The following ERAP1 variants were observed in gnomAD, a reference collection of about 807,000 sequenced individuals.
ERAP1 encodes the protein adipocyte-derived leucine aminopeptidase.
A neutral mutation model predicts 103.7 loss-of-function variants in ERAP1; 86 were observed. The observed-to-expected ratio is 0.83, with a 90% CI of 0.70 to 0.99. ERAP1 has a LOEUF of 0.99. Ranked by LOEUF, ERAP1 falls within the 50% of genes least tolerant of loss-of-function variation. ERAP1 has a pLI of 0.00. For synonymous variants in ERAP1, 398 were observed against 402.4 expected, an observed-to-expected ratio of 0.99 and a Z score of 0.13; for missense variants, 1,009 against 1,128.4, an observed-to-expected ratio of 0.89 and a Z score of 1.52.
At chr5:96,891,572 T>TATACAC in the ERAP1 span, among the ~76,000 whole-genome samples, 230 of 133,258 alleles carry the variant, frequency 1.7e-3, 4 homozygotes, top group African/African-American at 6.5e-3. Flanking sequence ...ACATATATGG[T>TATACAC]ACACACACAC....
chr5:96,907,716 T>C, the ERAP1 span, among the ~76,000 whole-genome samples: 1 of 152,116 alleles, frequency 6.6e-6, no homozygotes, highest in Non-Finnish European at 1.5e-5. Context: ...ATCCCGTCTC[T>C]ACTAATACTA....
At position 96,803,707 on chromosome 5, in the gene ERAP1, G is replaced by A. The variant is rs778509086; in HGVS notation, c.220C>T (p.Leu74=). ...DLLIHANLTT[L]TFWGTTKVEI... is the part of the protein sequence containing the mutation. ...ACTTTCGTGGTTCCCCAGAAGGTCA[G>A]CGTGGTAAGGTTTGCATGGATCAAG... The change falls in exon 2 of 19, where the codon CTG becomes TTG. Residue 74 remains leucine, a synonymous_variant. Transcript: ENST00000443439. 1.9e-6 allele frequency: 3 copies of A among 1,614,222 alleles called. No homozygotes were observed. Among genetic ancestry groups the A allele is most frequent in the Non-Finnish European group, 2.5e-6 (3 of 1,180,042 alleles).
the ERAP1 span, among the ~76,000 whole-genome samples, chr5:96,824,140 A>C: frequency 6.6e-6 from 1 of 152,182 alleles, no homozygotes; most frequent in Admixed American, 6.5e-5. Flanking sequence ...TTTTCCACAT[A>C]ATATTTTTGG....
At chr5:96,790,747 G>T (rs1776642728) in intron 8 of ERAP1, 104 bp from the exon 9 acceptor site, 1 of 1,050,774 alleles carries the variant, frequency 9.5e-7, no homozygotes, top group Non-Finnish European at 1.5e-6. Flanking sequence ...AAACGCAACT[G>T]CAGGAACACT....
chr5:96,882,660 C>T, the ERAP1 span, among the ~76,000 whole-genome samples: 1 of 152,248 alleles, frequency 6.6e-6, no homozygotes, highest in Admixed American at 6.5e-5. Context: ...CTTGTTACAA[C>T]CAAAATTTCA....
chr5:96,871,391 A>G, the ERAP1 span, among the ~76,000 whole-genome samples: 2 of 152,082 alleles, frequency 1.3e-5, no homozygotes, highest in Non-Finnish European at 2.9e-5. Flanking sequence ...CAGAGTCCCT[A>G]CTCTATCTTG....
chr5:96,790,713 T>C, intron 8 of ERAP1, 70 bp from the exon 9 acceptor site: 1 of 1,440,940 alleles, frequency 6.9e-7, no homozygotes, highest in Non-Finnish European at 9.7e-7. Flanking sequence ...ACATATTCTT[T>C]TGCAATAAAA....
chr5:96,850,664 A>T, the ERAP1 span, among the ~76,000 whole-genome samples: 3 of 152,150 alleles, frequency 2.0e-5, no homozygotes, highest in East Asian at 5.8e-4. Context: ...GAGGTGATGG[A>T]TATGTTAATT....
At chr5:96,889,383 A>T in the ERAP1 span, 2 of 1,507,070 alleles carry the variant, frequency 1.3e-6, no homozygotes, top group Admixed American at 1.7e-5. Context: ...TTCTCTTTCT[A>T]TGTGATTTAA....
the ERAP1 span, among the ~76,000 whole-genome samples, chr5:96,887,100 T>TATACACAC: frequency 7.3e-6 from 1 of 137,456 alleles, no homozygotes; most frequent in Non-Finnish European, 1.6e-5. Context: ...TATATATATA[T>TATACACAC]ACACACACAC....
At chr5:96,843,014 C>T in the ERAP1 span, among the ~76,000 whole-genome samples, 1 of 152,108 alleles carries the variant, frequency 6.6e-6, no homozygotes, top group Admixed American at 6.5e-5. Flanking sequence ...ATTGACTTGC[C>T]AGTTAAAGAT....
At chr5:96,839,689 G>A in the ERAP1 span, among the ~76,000 whole-genome samples, 14 of 152,254 alleles carry the variant, frequency 9.2e-5, no homozygotes, top group South Asian at 1.7e-3. Context: ...CCTGCTCAGA[G>A]GGAAGGAGCA....
chr5:96,886,027 C>T, the ERAP1 span, among the ~76,000 whole-genome samples: 3 of 152,208 alleles, frequency 2.0e-5, no homozygotes, highest in Non-Finnish European at 4.4e-5. Context: ...CAAGCTGTCA[C>T]GCAGCAAGTG....
chr5:96,902,571 C>A, the ERAP1 span: 1 of 435,516 alleles, frequency 2.3e-6, no homozygotes, highest in Non-Finnish European at 4.1e-6. Flanking sequence ...CATTTAGAGA[C>A]AGATTATTTA....
At chr5:96,866,677 G>C in the ERAP1 span, among the ~76,000 whole-genome samples, 1 of 152,136 alleles carries the variant, frequency 6.6e-6, no homozygotes, top group African/African-American at 2.4e-5. Context: ...GCACCTTCTA[G>C]GAGAGACCTC....
At chr5:96,916,509 T>C in the ERAP1 span, among the ~76,000 whole-genome samples, 2 of 142,898 alleles carry the variant, frequency 1.4e-5, no homozygotes, top group African/African-American at 5.3e-5. Flanking sequence ...TTGCCCAGGC[T>C]GGAGTGCAGT....
At chr5:96,868,148 A>C in the ERAP1 span, among the ~76,000 whole-genome samples, 1 of 152,196 alleles carries the variant, frequency 6.6e-6, no homozygotes, top group Non-Finnish European at 1.5e-5. Flanking sequence ...CACTGACCCA[A>C]CATTGGAAAG....
the ERAP1 span, among the ~76,000 whole-genome samples, chr5:96,877,585 T>C: frequency 1.3e-5 from 2 of 152,260 alleles, no homozygotes; most frequent in Non-Finnish European, 2.9e-5. Context: ...GAAGGTATAA[T>C]TATTACACTG....
chr5:96,779,146 T>G (rs1561663214), intron 18 of ERAP1, among the ~76,000 whole-genome samples: 1 of 152,234 alleles, frequency 6.6e-6, no homozygotes, highest in African/African-American at 2.4e-5. Flanking sequence ...TTGACATTGG[T>G]TGATTTGTCT....
Sources: allele counts gnomAD v4.1 joint callset (sites outside exome capture counted in the v4.1 genomes callset), GRCh38; gene constraint gnomAD v4.1.1; transcripts MANE v1.5; gene names NCBI Gene and HGNC (gene_info 2026-07-23, HGNC 2026-07-21).